The following LIN9 variants were observed in gnomAD, a reference collection of about 807,000 sequenced individuals.
LIN9 encodes lin-9 DREAM MuvB core complex component.
LIN9 carries 18 observed loss-of-function variants against 78.0 expected under a neutral mutation model. The observed-to-expected ratio is 0.23, with a 90% CI of 0.16 to 0.34. The LOEUF is 0.34. Ranked by LOEUF, LIN9 falls within the 10% of genes least tolerant of loss-of-function variation. LIN9 has a pLI of 1.00. For synonymous variants in LIN9, 192 were observed against 215.2 expected, an observed-to-expected ratio of 0.89 and a Z score of 0.94; for missense variants, 451 against 644.1, an observed-to-expected ratio of 0.70 and a Z score of 3.25.
intron 12 of LIN9, 120 bp downstream of exon 12, chr1:226,238,851 T>C: frequency 1.1e-6 from 1 of 919,452 alleles, no homozygotes; most frequent in East Asian, 2.6e-5. Context: ...CTTTATATAA[T>C]ACAGTTCTGC....
At chr1:226,234,009 C>T (rs1025259597) in intron 12 of LIN9, among the ~76,000 whole-genome samples, 1 of 152,168 alleles carries the variant, frequency 6.6e-6, no homozygotes, top group African/African-American at 2.4e-5. Flanking sequence ...TGAAGTTATG[C>T]ATTTTTGGGC....
intron 1 of LIN9, among the ~76,000 whole-genome samples, chr1:226,303,503 T>C (rs1278688535): frequency 6.6e-6 from 1 of 152,236 alleles, no homozygotes; most frequent in East Asian, 1.9e-4. Context: ...GGAAGAGGTA[T>C]ATAGGCCATA....
chr1:226,257,342 C>T (rs1369086998), intron 10 of LIN9, among the ~76,000 whole-genome samples: 1 of 152,170 alleles, frequency 6.6e-6, no homozygotes, highest in Non-Finnish European at 1.5e-5. Context: ...AGAAAGAATA[C>T]GTTGAAGGTA....
chr1:226,243,885 T>TATC (rs1396045358), intron 11 of LIN9, among the ~76,000 whole-genome samples: 3 of 150,866 alleles, frequency 2.0e-5, no homozygotes, highest in African/African-American at 7.3e-5. Context: ...AAATTATTAT[T>TATC]ATTTTTTGAG....
intron 14 of LIN9, 160 bp from the exon 15 acceptor site, chr1:226,232,766 A>C (rs896562180): frequency 1.9e-6 from 1 of 527,324 alleles, no homozygotes; most frequent in African/African-American, 2.0e-5. Flanking sequence ...CTTCAGTAGT[A>C]GTTGAACAAA....
intron 11 of LIN9, among the ~76,000 whole-genome samples, chr1:226,245,630 T>C (rs1414847424): frequency 6.6e-6 from 1 of 150,936 alleles, no homozygotes; most frequent in Middle Eastern, 3.2e-3. Flanking sequence ...CTTGCTCTGC[T>C]GGCCAGGCTG....
chr1:226,280,672 G>A (rs565500870), intron 6 of LIN9, among the ~76,000 whole-genome samples: 1 of 152,126 alleles, frequency 6.6e-6, no homozygotes, highest in African/African-American at 2.4e-5. Flanking sequence ...CTACTTGAGA[G>A]GCTGAGGCAG....
upstream of LIN9, chr1:226,309,560 G>A (rs948248907): frequency 1.3e-5 from 15 of 1,181,714 alleles, no homozygotes; most frequent in African/African-American, 2.3e-4. Context: ...CCCCGGCGGG[G>A]GGAAAGAAGC....
At chr1:226,235,051 T>C (rs1657596928) in intron 12 of LIN9, among the ~76,000 whole-genome samples, 1 of 151,900 alleles carries the variant, frequency 6.6e-6, no homozygotes, top group African/African-American at 2.4e-5. Flanking sequence ...TCAGAACTGC[T>C]GCTGGGTGTG....
chr1:226,284,600 T>C (rs574217820), intron 6 of LIN9, among the ~76,000 whole-genome samples: 2 of 152,256 alleles, frequency 1.3e-5, no homozygotes, highest in Admixed American at 1.3e-4. Context: ...GGCGAGCACC[T>C]ATAATCCCAG....
chr1:226,234,683 A>G (rs1258414327), intron 12 of LIN9, among the ~76,000 whole-genome samples: 2 of 152,022 alleles, frequency 1.3e-5, no homozygotes, highest in Admixed American at 6.5e-5. Flanking sequence ...ATCTGGGTCT[A>G]GTGTGTTCTT....
intron 1 of LIN9, among the ~76,000 whole-genome samples, chr1:226,306,315 C>T (rs1163960282): frequency 1.3e-5 from 2 of 151,788 alleles, no homozygotes; most frequent in East Asian, 3.9e-4. Context: ...CACAGCAAGA[C>T]TCTGTCTCAA....
upstream of LIN9, chr1:226,309,211 G>T: frequency 1.4e-6 from 2 of 1,456,524 alleles, no homozygotes; most frequent in Non-Finnish European, 1.8e-6. Context: ...CTGTCTTTGC[G>T]AGGGAGGTTC....
chr1:226,251,882 A>G (rs1658855348), intron 10 of LIN9, among the ~76,000 whole-genome samples: 1 of 152,224 alleles, frequency 6.6e-6, no homozygotes, highest in African/African-American at 2.4e-5. Flanking sequence ...GGAAGAAGAA[A>G]TAACACAGTG....
At chr1:226,232,725 A>G in intron 14 of LIN9, 119 bp from the exon 15 acceptor site, 1 of 588,916 alleles carries the variant, frequency 1.7e-6, no homozygotes. Flanking sequence ...GGAAGGAATA[A>G]ATCTCCTCTA....
At chr1:226,296,479 G>C (rs993811897) in intron 3 of LIN9, among the ~76,000 whole-genome samples, 7 of 152,226 alleles carry the variant, frequency 4.6e-5, no homozygotes, top group African/African-American at 1.7e-4. Flanking sequence ...ATTACCCATA[G>C]AACTAAAAAA....
At chr1:226,308,557 G>T (rs763528351) in intron 1 of LIN9, among the ~76,000 whole-genome samples, 9 of 152,170 alleles carry the variant, frequency 5.9e-5, no homozygotes, top group Non-Finnish European at 1.3e-4. Context: ...TCCAGGGGTG[G>T]ACACACCGGT....
intron 12 of LIN9, among the ~76,000 whole-genome samples, chr1:226,234,337 A>G (rs1189487243): frequency 1.3e-5 from 2 of 152,188 alleles, no homozygotes; most frequent in Non-Finnish European, 2.9e-5. Flanking sequence ...CACTGCTTCT[A>G]TATTTATTAG....
At position 226,265,169 on chromosome 1, in the gene LIN9, A is replaced by G. The variant is rs1400119511; in HGVS notation, c.1038+364T>C. Among the ~76,000 whole-genome samples the G allele has an allele frequency of 6.6e-6, 1 of 152,240 alleles. No individual in the cohort carries two copies. The highest frequency in any genetic ancestry group is 1.5e-5 in the Non-Finnish European group (1 of 68,048). ...TCTAACCATATAAGCTAGCCAGGAC[A>G]TCATAACTGTTGAACTGACTGATGA... On this transcript the variant is annotated intron_variant, in intron 10 of 14. Coordinates refer to ENST00000681046, the MANE Select transcript of LIN9 (RefSeq NM_001366245.2). This position sits in a 1 kb window ranked among gnomAD's most constrained non-coding sequence, Gnocchi z 4.1.
Sources: gnomAD v4.1 joint callset for allele counts (sites outside exome capture counted in the v4.1 genomes callset) on GRCh38, gnomAD v4.1.1 for gene constraint, Gnocchi (gnomAD v3.1) non-coding constraint, MANE v1.5 for transcripts, NCBI Gene and HGNC (gene_info 2026-07-23, HGNC 2026-07-21) for gene names.